Variants in APLF observed in about 807,000 individuals in gnomAD.
The protein encoded by APLF is aprataxin and PNKP like factor, also known as aprataxin and PNK-like factor.
Under a neutral mutation model 55.6 loss-of-function variants are expected in APLF, and 61 were observed. The ratio of observed to expected loss-of-function variants is 1.10; its 90% CI spans 0.89 to 1.36. The LOEUF (loss-of-function observed/expected upper bound fraction) is 1.36. Ranked by LOEUF, APLF falls within the 40% of genes most tolerant of loss-of-function variation. The probability of loss-of-function intolerance (pLI) is 0.00; values close to 1 mark genes in which losing one functional copy is unlikely to be tolerated. For missense variants in APLF, 611 were observed against 602.5 expected, an observed-to-expected ratio of 1.01 and a Z score of -0.15; for synonymous variants, 207 against 214.8, an observed-to-expected ratio of 0.96 and a Z score of 0.32.
At chr2:68,527,959 C>T (rs1670124072) in intron 6 of APLF, among the ~76,000 whole-genome samples, 1 of 150,798 alleles carries the variant, frequency 6.6e-6, no homozygotes, top group Non-Finnish European at 1.5e-5. Context: ...GGCAGAGGCG[C>T]CCTTCACTTC....
At chr2:68,544,878 G>A (rs1670656282) in intron 7 of APLF, among the ~76,000 whole-genome samples, 1 of 152,016 alleles carries the variant, frequency 6.6e-6, no homozygotes, top group Non-Finnish European at 1.5e-5. Flanking sequence ...TGATATTTAT[G>A]TTATATGCTT....
chr2:68,577,193 TTGCTG>T (rs1671650546), intron 9 of APLF, among the ~76,000 whole-genome samples: 1 of 152,224 alleles, frequency 6.6e-6, no homozygotes, highest in South Asian at 2.1e-4. Flanking sequence ...TTTGCTAGGT[TTGCTG>T]TGATAACAAA....
intron 5 of APLF, among the ~76,000 whole-genome samples, chr2:68,516,554 A>G (rs1669583656): frequency 1.3e-5 from 2 of 151,226 alleles, no homozygotes; most frequent in Non-Finnish European, 3.0e-5. Context: ...AGCAGTGTAC[A>G]CTGTACCCAG....
At chr2:68,569,997 A>C (rs1050386605) in intron 9 of APLF, among the ~76,000 whole-genome samples, 4 of 152,168 alleles carry the variant, frequency 2.6e-5, no homozygotes, top group African/African-American at 9.7e-5. Flanking sequence ...TTATTAATAT[A>C]GTGCCAACAT....
Position 68,502,912 on chromosome 2 carries a change from C to G in APLF, c.341+9C>G. 1 of 1,592,540 alleles carries G rather than the reference C, an allele frequency of 6.3e-7. No homozygotes were observed. The highest frequency in any genetic ancestry group is 8.5e-7 in the Non-Finnish European group (1 of 1,172,540). The stretch of plus-strand genomic sequence containing the variant: ...ATGCAATGTACCTTAAGGTAAGTGC[C>G]TGATGAAATGAGAGTAAGAATGTTA... On this transcript the variant is annotated intron_variant, in intron 3 of 9. Coordinates refer to ENST00000303795, the MANE Select transcript of APLF (RefSeq NM_173545.3).
chr2:68,496,000 G>C (rs1462597877), intron 2 of APLF, among the ~76,000 whole-genome samples: 1 of 152,240 alleles, frequency 6.6e-6, no homozygotes, highest in African/African-American at 2.4e-5. Context: ...TTCTCTCTTA[G>C]GCCTCTGGGC....
In APLF at chr2:68,480,097, A is replaced by C. The variant is rs374102734; in HGVS notation, c.97-10093A>C. On this transcript the variant is annotated intron_variant, in intron 1 of 9. Coordinates refer to ENST00000303795, the MANE Select transcript of APLF (RefSeq NM_173545.3). ...TAAAGCTTCCAGTCAACAGTAGGCTATTGGTAGTTAAGTTTTGGGGGAGTC... is the reference window on the plus strand; with the variant it reads ...TAAAGCTTCCAGTCAACAGTAGGCTCTTGGTAGTTAAGTTTTGGGGGAGTC... Among the ~76,000 whole-genome samples, 15 of 152,256 alleles carry C rather than the reference A, an allele frequency of 9.9e-5. No individual in the cohort carries two copies. The South Asian group carries it at 3.1e-3, about 32-fold the overall frequency.
At chr2:68,518,901 T>C (rs1306343401) in intron 5 of APLF, among the ~76,000 whole-genome samples, 233 of 124,900 alleles carry the variant, frequency 1.9e-3, no homozygotes, top group Non-Finnish European at 2.6e-3. Flanking sequence ...ATATCATTAA[T>C]ATATAATAAA....
chr2:68,469,145 A>AT (rs1248533129), intron 1 of APLF, among the ~76,000 whole-genome samples: 3 of 151,758 alleles, frequency 2.0e-5, no homozygotes, highest in Non-Finnish European at 4.4e-5. Flanking sequence ...CATCATTTCT[A>AT]TTTTTTTCAT....
At chr2:68,561,416 A>G (rs967999624) in intron 8 of APLF, among the ~76,000 whole-genome samples, 3 of 152,140 alleles carry the variant, frequency 2.0e-5, no homozygotes, top group Admixed American at 6.6e-5. Flanking sequence ...TTAAATTGCC[A>G]GATGAGAACA....
chr2:68,565,537 A>ACATG (rs1671284615), intron 8 of APLF, among the ~76,000 whole-genome samples: 1 of 151,988 alleles, frequency 6.6e-6, no homozygotes, highest in African/African-American at 2.4e-5. Context: ...ATACATACAT[A>ACATG]CATACATACA....
rs1004759140 is a variant in APLF, at chr2:68,509,451, A to G, written c.342-3629A>G. Among the ~76,000 whole-genome samples the G allele has an allele frequency of 3.8e-4, 58 of 152,180 alleles. 1 individual carries two copies. The highest frequency in any genetic ancestry group is 6.5e-4 in the Non-Finnish European group (44 of 68,034). On this transcript the variant is annotated intron_variant, in intron 3 of 9. Coordinates refer to ENST00000303795, the MANE Select transcript of APLF (RefSeq NM_173545.3). ...TCAAAACAAGACATTTATGCAGCCA[A>G]CAGACACATGAAAAAATGCTCATCA...
chr2:68,513,967 C>T (rs528745813), intron 5 of APLF, among the ~76,000 whole-genome samples: 380 of 151,788 alleles, frequency 2.5e-3, no homozygotes, highest in African/African-American at 8.7e-3. Context: ...GGTGCTATGT[C>T]TAGGATAAAA....
chr2:68,531,765 T>C (rs954961940), intron 6 of APLF, among the ~76,000 whole-genome samples: 1 of 152,242 alleles, frequency 6.6e-6, no homozygotes, highest in African/African-American at 2.4e-5. Context: ...TATACGTGTT[T>C]TCCTCTGTTT....
chr2:68,572,655 G>A (rs1420336842), intron 9 of APLF, among the ~76,000 whole-genome samples: 1 of 151,972 alleles, frequency 6.6e-6, no homozygotes, highest in African/African-American at 2.4e-5. Flanking sequence ...GGGCAACAGA[G>A]TGAGACCACA....
intron 8 of APLF, among the ~76,000 whole-genome samples, chr2:68,564,484 G>A (rs1671244691): frequency 6.6e-6 from 1 of 152,018 alleles, no homozygotes; most frequent in South Asian, 2.1e-4. Context: ...CTGACACAAG[G>A]CCTGGCATGT....
At position 68,513,636 on chromosome 2, in the gene APLF, A is replaced by G. The variant is rs776465127; in HGVS notation, c.578A>G (p.Glu193Gly). The G allele has an allele frequency of 3.8e-5, 62 of 1,611,400 alleles. No homozygotes were observed. The East Asian group carries it at 8.0e-4, about 21-fold the overall frequency. Residue 193 changes from glutamate to glycine, a missense_variant, in exon 5 of 10, where the codon GAA becomes GGA. Glu to Gly is a moderately conservative substitution (Grantham distance 98). Coordinates refer to ENST00000303795, the MANE Select transcript of APLF (RefSeq NM_173545.3). ...ATCCTTCCAACTTGGATGTTAGCAG[A>G]ACATTTAAGTGATCAAAACCTTTCA... ...KRILPTWMLA[E>G]HLSDQNLSVP...
chr2:68,508,898 G>A (rs562467195), intron 3 of APLF, among the ~76,000 whole-genome samples: 1 of 152,136 alleles, frequency 6.6e-6, no homozygotes, highest in South Asian at 2.1e-4. Context: ...ACAGAACAGA[G>A]CCCTCAGAAA....
In APLF at chr2:68,579,566, T is replaced by C. The variant is rs1198493546; in HGVS notation, c.*1544T>C. On this transcript the variant is annotated 3_prime_UTR_variant, in exon 10 of 10. Transcript: ENST00000303795. ...GTCTATCAACTATCAACTGGGTGAA[T>C]GGATAAGCAAAACGTGGTATATCTG... is the stretch of plus-strand genomic sequence containing the variant. The C allele has an allele frequency of 4.6e-6, 1 of 218,546 alleles. No homozygotes were observed. 13.5% of individuals were successfully genotyped at this position (218,546 alleles called of 1,614,324 possible).
Sources: gnomAD v4.1 joint callset for allele counts (sites outside exome capture counted in the v4.1 genomes callset) on GRCh38, gnomAD v4.1.1 for gene constraint, MANE v1.5 for transcripts, NCBI Gene and HGNC (gene_info 2026-07-23, HGNC 2026-07-21) for gene names.